LARGE1: variants seen among roughly 807,000 people sequenced by gnomAD.
LARGE1 encodes LARGE xylosyl- and glucuronyltransferase 1, also known as xylosyl- and glucuronyltransferase LARGE1.
A neutral mutation model predicts 87.6 loss-of-function variants in LARGE1; 43 were observed. The observed-to-expected ratio is 0.49, with a 90% CI of 0.38 to 0.63. The LOEUF (loss-of-function observed/expected upper bound fraction) is 0.63, where lower values mean the gene tolerates loss of function less well. LARGE1 is among the 30% of genes least tolerant of loss of function. The pLI is 0.00. For missense variants in LARGE1, 802 were observed against 1,000.2 expected (o/e 0.80, Z 2.67); for synonymous variants, 434 against 394.6 (o/e 1.10, Z -1.18).
chr22:33,911,278 T>C (rs1489388214), intron 1 of LARGE1, among the ~76,000 whole-genome samples: 2 of 152,094 alleles, frequency 1.3e-5, no homozygotes, highest in Non-Finnish European at 2.9e-5. Flanking sequence ...GGATGTAAAA[T>C]GAAGGTGTTG....
intron 6 of LARGE1, among the ~76,000 whole-genome samples, chr22:33,525,518 TGATCTATAATCAA>T (rs2071843453): frequency 6.6e-6 from 1 of 152,232 alleles, no homozygotes; most frequent in Non-Finnish European, 1.5e-5. Flanking sequence ...AAGTGATATT[TGATCTATAATCAA>T]GATGCAGGTC....
intron 11 of LARGE1, among the ~76,000 whole-genome samples, chr22:33,259,752 C>T (rs1251076313): frequency 1.3e-5 from 2 of 152,154 alleles, no homozygotes; most frequent in African/African-American, 2.4e-5. Context: ...GATGAAGTTC[C>T]ACTCTCTGCT....
At chr22:33,523,070 T>A (rs919170449) in intron 6 of LARGE1, among the ~76,000 whole-genome samples, 1 of 151,914 alleles carries the variant, frequency 6.6e-6, no homozygotes, top group African/African-American at 2.4e-5. Flanking sequence ...AATGGCGCGA[T>A]CTCGGCTCAC....
At chr22:33,752,033 T>C (rs1361875983) in intron 2 of LARGE1, among the ~76,000 whole-genome samples, 1 of 152,170 alleles carries the variant, frequency 6.6e-6, no homozygotes, top group Non-Finnish European at 1.5e-5. Context: ...CTGCCTGCCT[T>C]GGCCTCCCAA....
chr22:33,650,932 C>T (rs2080782103), intron 2 of LARGE1, among the ~76,000 whole-genome samples: 1 of 151,998 alleles, frequency 6.6e-6, no homozygotes, highest in Non-Finnish European at 1.5e-5. Context: ...TAATTAAATG[C>T]ACTGTCTTCC....
intron 2 of LARGE1, among the ~76,000 whole-genome samples, chr22:33,756,094 A>G (rs2084502904): frequency 6.6e-6 from 1 of 152,162 alleles, no homozygotes; most frequent in South Asian, 2.1e-4. Flanking sequence ...TCAACAGGGT[A>G]TTATACCCTG....
intron 11 of LARGE1, among the ~76,000 whole-genome samples, chr22:33,179,909 G>T (rs555240351): frequency 3.3e-5 from 5 of 151,856 alleles, no homozygotes; most frequent in African/African-American, 1.2e-4. Flanking sequence ...TAAGAGGTGG[G>T]GCCTTTAAGA....
intron 5 of LARGE1, among the ~76,000 whole-genome samples, chr22:33,570,529 T>C (rs1262322435): frequency 6.6e-6 from 1 of 151,056 alleles, no homozygotes; most frequent in Non-Finnish European, 1.5e-5. Context: ...GCTCCTGCAG[T>C]CCCAGCTACT....
At chr22:33,760,843 T>TC (rs746513064) in intron 2 of LARGE1, among the ~76,000 whole-genome samples, 69 of 152,046 alleles carry the variant, frequency 4.5e-4, no homozygotes, top group Non-Finnish European at 8.4e-4. Context: ...TCACTTGAAC[T>TC]CGGGAGGCAG....
At chr22:33,524,456 G>T (rs1470057529) in intron 6 of LARGE1, among the ~76,000 whole-genome samples, 1 of 151,836 alleles carries the variant, frequency 6.6e-6, no homozygotes, top group Non-Finnish European at 1.5e-5. Flanking sequence ...CTTAGTACAG[G>T]ATCAGATGCA....
intron 2 of LARGE1, among the ~76,000 whole-genome samples, chr22:33,713,966 A>AATAACATAAC (rs1569397425): frequency 7.5e-6 from 1 of 132,452 alleles, no homozygotes; most frequent in East Asian, 2.2e-4. Flanking sequence ...AGAAAAAGTA[A>AATAACATAAC]ATAACGTAAC....
chr22:33,721,921 C>T (rs546699627), intron 2 of LARGE1, among the ~76,000 whole-genome samples: 2 of 152,216 alleles, frequency 1.3e-5, no homozygotes, highest in South Asian at 2.1e-4. Flanking sequence ...GTTTTATAGG[C>T]AGCAGTCACA....
chr22:33,407,867 A>G (rs1023078940), intron 7 of LARGE1, among the ~76,000 whole-genome samples: 3 of 152,240 alleles, frequency 2.0e-5, no homozygotes, highest in African/African-American at 4.8e-5. Flanking sequence ...CTAAATAATA[A>G]GCAGAGAGAC....
intron 1 of LARGE1, among the ~76,000 whole-genome samples, chr22:33,858,740 G>A (rs2063828320): frequency 6.6e-6 from 1 of 152,138 alleles, no homozygotes; most frequent in African/African-American, 2.4e-5. Flanking sequence ...AAAGACACAT[G>A]CACACGTATG....
At position 33,846,337 on chromosome 22, in the gene LARGE1, A is replaced by G. The variant is rs150847294; in HGVS notation, c.-83+73658T>C. ...TGTGAAGATTTCTTGGACACTTATC[A>G]CTTCCCCAATCAATACCCTTGTGAT... On this transcript the variant is annotated intron_variant, in intron 1 of 14. Coordinates refer to ENST00000397394, the MANE Select transcript of LARGE1 (RefSeq NM_133642.5). Among the ~76,000 whole-genome samples, 145 of 152,340 alleles carry G rather than the reference A, an allele frequency of 9.5e-4. 2 individuals carry two copies. Among genetic ancestry groups the G allele is most frequent in the Admixed American group, 5.2e-3 (80 of 15,302 alleles).
At chr22:33,748,794 T>C (rs2084200005) in intron 2 of LARGE1, among the ~76,000 whole-genome samples, 1 of 152,238 alleles carries the variant, frequency 6.6e-6, no homozygotes, top group Admixed American at 6.5e-5. Flanking sequence ...GGCCAATGCA[T>C]TCACAAGGAA....
intron 6 of LARGE1, among the ~76,000 whole-genome samples, chr22:33,555,607 G>C (rs898123886): frequency 2.6e-5 from 4 of 152,094 alleles, no homozygotes; most frequent in Non-Finnish European, 5.9e-5. Context: ...GAGGGCCAAA[G>C]GTAGGAGCCT....
chr22:33,593,367 C>T (rs2078897572), intron 5 of LARGE1, among the ~76,000 whole-genome samples: 1 of 151,954 alleles, frequency 6.6e-6, no homozygotes, highest in Admixed American at 6.6e-5. Context: ...TTCTGAGTTC[C>T]TGCAAAGCCT....
At chr22:33,475,486 G>T (rs2069037562) in intron 6 of LARGE1, among the ~76,000 whole-genome samples, 1 of 145,590 alleles carries the variant, frequency 6.9e-6, no homozygotes, top group South Asian at 2.2e-4. Context: ...TTTGAGATGG[G>T]GTTTCGCTCT....
Sources: allele counts gnomAD v4.1 joint callset (sites outside exome capture counted in the v4.1 genomes callset), GRCh38; gene constraint gnomAD v4.1.1; transcripts MANE v1.5; gene names NCBI Gene and HGNC (gene_info 2026-07-23, HGNC 2026-07-21).